LINGO1: variants seen among roughly 807,000 people sequenced by gnomAD.
LINGO1 encodes the protein leucine rich repeat and Ig domain containing 1.
In LINGO1, 11 loss-of-function variants were observed where a neutral mutation model predicts 37.3. That is an observed-to-expected ratio of 0.29 (90% CI 0.19 to 0.49). The LOEUF is 0.49. Among genes scored for constraint, LINGO1 ranks in the 20% least tolerant of loss-of-function variants. LINGO1 has a pLI of 0.99. For synonymous variants in LINGO1, 387 were observed against 403.0 expected (o/e 0.96, Z 0.48); for missense variants, 585 against 878.2 (o/e 0.67, Z 4.22).
upstream of LINGO1, among the ~76,000 whole-genome samples, chr15:77,638,809 C>T (rs1438587064): frequency 6.6e-6 from 1 of 152,192 alleles, no homozygotes; most frequent in East Asian, 1.9e-4. Context: ...CCTAAGAGGA[C>T]TCCCAGTGGT....
intron 2 of LINGO1, among the ~76,000 whole-genome samples, chr15:77,795,747 G>T (rs1038829572): frequency 7.2e-5 from 11 of 152,228 alleles, no homozygotes; most frequent in African/African-American, 2.7e-4. Flanking sequence ...AACGCCCCAC[G>T]CTTCCAAGCT....
At chr15:77,780,508 G>A (rs1440264515) in intron 1 of LINGO1, among the ~76,000 whole-genome samples, 1 of 151,932 alleles carries the variant, frequency 6.6e-6, no homozygotes, top group African/African-American at 2.4e-5. Context: ...GCTGGGAGGA[G>A]ACCTTGCGGA....
At chr15:77,718,209 C>T (rs980258084) in intron 2 of LINGO1, among the ~76,000 whole-genome samples, 2 of 150,964 alleles carry the variant, frequency 1.3e-5, no homozygotes, top group African/African-American at 2.4e-5. Context: ...CAGCTTCACA[C>T]GCAGACCTAC....
intron 1 of LINGO1, among the ~76,000 whole-genome samples, chr15:77,746,219 A>G (rs2076313619): frequency 6.6e-6 from 1 of 152,018 alleles, no homozygotes; most frequent in Admixed American, 6.6e-5. Flanking sequence ...AAAAAAAAAA[A>G]AAAAAAAAAT....
At chr15:77,627,080 G>A (rs2074117248) in intron 1 of LINGO1, among the ~76,000 whole-genome samples, 1 of 151,826 alleles carries the variant, frequency 6.6e-6, no homozygotes, top group South Asian at 2.1e-4. Flanking sequence ...AGGTGGCAGA[G>A]AGAGATTAAT....
At chr15:77,806,474 C>G (rs1281162444) in intron 1 of LINGO1, among the ~76,000 whole-genome samples, 5 of 152,130 alleles carry the variant, frequency 3.3e-5, no homozygotes, top group Admixed American at 6.5e-5. Context: ...GCTCCACCTG[C>G]CTTCAGGTCC....
intron 2 of LINGO1, among the ~76,000 whole-genome samples, chr15:77,725,984 T>C (rs1027670925): frequency 7.9e-5 from 12 of 152,172 alleles, no homozygotes; most frequent in African/African-American, 2.9e-4. Flanking sequence ...CAGAGTTCCA[T>C]TTGGTTGGTA....
intron 2 of LINGO1, among the ~76,000 whole-genome samples, chr15:77,710,195 C>A (rs1291359117): frequency 6.6e-6 from 1 of 152,242 alleles, no homozygotes; most frequent in Non-Finnish European, 1.5e-5. Flanking sequence ...GCACTCAGCT[C>A]CACCCTTCAC....
In LINGO1 at chr15:77,632,297, C is replaced by A. The variant is rs2074279122; in HGVS notation, c.6+13G>T. The A allele has an allele frequency of 7.0e-7, 1 of 1,431,026 alleles. No individual in the cohort carries two copies. Among genetic ancestry groups the A allele is most frequent in the Non-Finnish European group, 9.1e-7 (1 of 1,093,362 alleles). The allele number at this position is 1,431,026 out of a possible 1,614,324, so 88.6% of individuals were successfully genotyped here. ...CTGCCCGCTCGGGGCTCGGCCGCGGCCGCCTGGCTCACCTGCATCTCGGGC... is the reference window on the plus strand; with the variant it reads ...CTGCCCGCTCGGGGCTCGGCCGCGGACGCCTGGCTCACCTGCATCTCGGGC... On this transcript the variant is annotated intron_variant, in intron 1 of 1. Coordinates refer to ENST00000355300, the MANE Select transcript of LINGO1 (RefSeq NM_032808.7). The surrounding 1 kb of genome is among the most constrained non-coding windows in gnomAD (Gnocchi z 6.0).
intron 3 of LINGO1, among the ~76,000 whole-genome samples, chr15:77,647,646 G>T (rs1042253932): frequency 6.6e-6 from 1 of 152,164 alleles, no homozygotes; most frequent in Non-Finnish European, 1.5e-5. Flanking sequence ...GCAGGGGCTG[G>T]GTCAATGGCA....
upstream of LINGO1, among the ~76,000 whole-genome samples, chr15:77,633,374 A>G (rs903092849): frequency 4.6e-5 from 7 of 151,850 alleles, no homozygotes; most frequent in African/African-American, 1.7e-4. Flanking sequence ...GAGGACGGAC[A>G]GGGCTCCCTA....
At chr15:77,668,966 G>C (rs1199399252) in intron 3 of LINGO1, among the ~76,000 whole-genome samples, 1 of 152,188 alleles carries the variant, frequency 6.6e-6, no homozygotes, top group Admixed American at 6.5e-5. Context: ...AAGCCAAGCA[G>C]CAGCAACTAG....
intron 1 of LINGO1, among the ~76,000 whole-genome samples, chr15:77,769,869 C>T (rs568534395): frequency 1.1e-4 from 17 of 152,306 alleles, no homozygotes; most frequent in Non-Finnish European, 2.1e-4. Flanking sequence ...GTGCAGCAGA[C>T]GTGAGCCTGT....
intron 3 of LINGO1, among the ~76,000 whole-genome samples, chr15:77,662,758 C>T (rs960954758): frequency 6.6e-6 from 1 of 152,232 alleles, no homozygotes; most frequent in African/African-American, 2.4e-5. Flanking sequence ...GGACTGACTC[C>T]TGAGCCATCC....
intron 3 of LINGO1, among the ~76,000 whole-genome samples, chr15:77,650,217 T>C (rs977605401): frequency 1.3e-5 from 2 of 152,174 alleles, no homozygotes; most frequent in African/African-American, 4.8e-5. Context: ...GTGCACGGCA[T>C]GTACATGCAT....
chr15:77,784,159 G>A (rs1000679780), intron 1 of LINGO1, among the ~76,000 whole-genome samples: 12 of 152,246 alleles, frequency 7.9e-5, no homozygotes, highest in Admixed American at 1.3e-4. Flanking sequence ...CTGGCAGGCC[G>A]GGGTCTCCGG....
chr15:77,682,267 T>G (rs1204213887), intron 2 of LINGO1, among the ~76,000 whole-genome samples: 3 of 146,482 alleles, frequency 2.0e-5, no homozygotes, highest in Non-Finnish European at 4.4e-5. Context: ...CATATGGCAG[T>G]AGAGATTAAA....
At chr15:77,628,011 T>C (rs2074144647) in intron 1 of LINGO1, among the ~76,000 whole-genome samples, 1 of 152,150 alleles carries the variant, frequency 6.6e-6, no homozygotes, top group Non-Finnish European at 1.5e-5. Context: ...CATCATGAAA[T>C]ACCATCTTAC....
At chr15:77,658,149 C>T (rs1596060366) in intron 3 of LINGO1, among the ~76,000 whole-genome samples, 1 of 152,208 alleles carries the variant, frequency 6.6e-6, no homozygotes, top group African/African-American at 2.4e-5. Context: ...TGACACTTCC[C>T]CGTCAGCAGG....
Sources: allele counts gnomAD v4.1 joint callset (sites outside exome capture counted in the v4.1 genomes callset), GRCh38; gene constraint gnomAD v4.1.1; non-coding constraint Gnocchi (gnomAD v3.1); transcripts MANE v1.5; gene names NCBI Gene and HGNC (gene_info 2026-07-23, HGNC 2026-07-21).